The following RILPL2 variants were observed in gnomAD, a reference collection of about 807,000 sequenced individuals.
RILPL2 encodes RILP-like protein 2.
A neutral mutation model predicts 22.2 loss-of-function variants in RILPL2; 19 were observed. That is an observed-to-expected ratio of 0.86 (90% CI 0.60 to 1.25). The LOEUF (loss-of-function observed/expected upper bound fraction) is 1.25. Among genes scored for constraint, RILPL2 ranks in the 50% most tolerant of loss-of-function variants. The probability of loss-of-function intolerance (pLI) is 0.00; values close to 1 mark genes in which losing one functional copy is unlikely to be tolerated. For missense variants in RILPL2, 243 were observed against 263.6 expected, an observed-to-expected ratio of 0.92 and a Z score of 0.54; for synonymous variants, 123 against 111.6, an observed-to-expected ratio of 1.10 and a Z score of -0.64.
downstream of RILPL2, among the ~76,000 whole-genome samples, chr12:123,410,358 G>T (rs561991002): frequency 7.9e-5 from 12 of 152,320 alleles, no homozygotes; most frequent in South Asian, 2.5e-3. Context: ...TGGTAGATTG[G>T]AACAGTGAGT....
chr12:123,429,848 C>T (rs1191477451), intron 2 of RILPL2, among the ~76,000 whole-genome samples: 1 of 151,662 alleles, frequency 6.6e-6, no homozygotes, highest in Admixed American at 6.6e-5. Flanking sequence ...GGTGTGGTGG[C>T]TCACACCTGT....
Position 123,428,887 on chromosome 12 carries a change from C to T in RILPL2, c.491+1621G>A, listed in dbSNP as rs142943194. On this transcript the variant is annotated intron_variant, in intron 2 of 3. Coordinates refer to ENST00000280571, the MANE Select transcript of RILPL2 (RefSeq NM_145058.3). ...GAGTATCAATAAATACTAGCCAACA[C>T]GACATTTTTATTGCCCTGGTTTTTC... 4.4e-3 allele frequency among the ~76,000 whole-genome samples: 667 copies of T among 152,294 alleles called. 4 individuals are homozygous for T. The highest frequency in any genetic ancestry group is 0.015 in the African/African-American group (634 of 41,576).
chr12:123,415,973 G>C (rs1879106289), intron 3 of RILPL2, 52 bp from the exon 4 acceptor site: 1 of 1,588,896 alleles, frequency 6.3e-7, no homozygotes, highest in Admixed American at 1.7e-5. Context: ...CAAAGCAAGG[G>C]GCACAGCAAC....
At chr12:123,422,248 C>T (rs1298070584) in intron 3 of RILPL2, among the ~76,000 whole-genome samples, 2 of 151,026 alleles carry the variant, frequency 1.3e-5, no homozygotes, top group Middle Eastern at 3.4e-3. Context: ...ATTGGCCAGG[C>T]GCAGTGGCTC....
At chr12:123,424,595 T>C (rs1417619373) in intron 2 of RILPL2, among the ~76,000 whole-genome samples, 1 of 152,152 alleles carries the variant, frequency 6.6e-6, no homozygotes, top group Non-Finnish European at 1.5e-5. Context: ...CCTCCCAAAG[T>C]GTTGGGATTA....
intron 2 of RILPL2, 37 bp downstream of exon 2, chr12:123,430,471 G>A (rs776746325): frequency 6.4e-7 from 1 of 1,551,476 alleles, no homozygotes; most frequent in Non-Finnish European, 8.7e-7. Context: ...TTCTGGGCCA[G>A]GTCTGGGTGC....
intron 1 of RILPL2, among the ~76,000 whole-genome samples, chr12:123,432,004 T>G (rs1040069941): frequency 6.6e-6 from 1 of 151,500 alleles, no homozygotes. Flanking sequence ...AAGCAATTCT[T>G]CTGCCTCAGC....
chr12:123,425,002 C>T (rs565796508), intron 2 of RILPL2, among the ~76,000 whole-genome samples: 49 of 152,170 alleles, frequency 3.2e-4, no homozygotes, highest in Admixed American at 9.2e-4. Flanking sequence ...GCCTCAGCCT[C>T]TCAAGTAGCT....
chr12:123,427,733 C>T (rs1428340406), intron 2 of RILPL2, among the ~76,000 whole-genome samples: 1 of 151,930 alleles, frequency 6.6e-6, no homozygotes, highest in Non-Finnish European at 1.5e-5. Context: ...TTAATAGAGA[C>T]GGAGTTTCAC....
At chr12:123,434,455 G>A (rs1204708436) in intron 1 of RILPL2, among the ~76,000 whole-genome samples, 2 of 149,074 alleles carry the variant, frequency 1.3e-5, no homozygotes, top group Non-Finnish European at 1.5e-5. Context: ...ACAAAATCTC[G>A]CTCTGTCACC....
chr12:123,429,280 C>CTTTTTG (rs879514477), intron 2 of RILPL2, among the ~76,000 whole-genome samples: 4 of 151,922 alleles, frequency 2.6e-5, no homozygotes, highest in East Asian at 1.9e-4. Flanking sequence ...TGCACCAGGA[C>CTTTTTG]TTTTTGTTTT....
the RILPL2 span, among the ~76,000 whole-genome samples, chr12:123,409,908 T>G: frequency 6.6e-6 from 1 of 152,070 alleles, no homozygotes; most frequent in South Asian, 2.1e-4. Flanking sequence ...GTATTTTTAG[T>G]AGAGACGGTC....
chr12:123,421,023 A>T (rs534154518), intron 3 of RILPL2, among the ~76,000 whole-genome samples: 1 of 151,804 alleles, frequency 6.6e-6, no homozygotes, highest in East Asian at 1.9e-4. Context: ...AATGCTCACT[A>T]AGTGGGAGCT....
Position 123,434,573 on chromosome 12 carries a change from G to T in RILPL2, c.339+1509C>A, listed in dbSNP as rs190515779. Among the ~76,000 whole-genome samples the T allele has an allele frequency of 2.0e-3, 308 of 151,764 alleles. 2 individuals carry two copies. The highest frequency in any genetic ancestry group is 7.0e-3 in the African/African-American group (288 of 41,406). On this transcript the variant is annotated intron_variant, in intron 1 of 3. Coordinates refer to ENST00000280571, the MANE Select transcript of RILPL2 (RefSeq NM_145058.3). ...CGAGTAGCTGGGATTACAGGCACCC[G>T]CCACCACGCCCGGCTAATTTTTTTC...
chr12:123,426,921 CT>C (rs1286440085), intron 2 of RILPL2, among the ~76,000 whole-genome samples: 2 of 151,148 alleles, frequency 1.3e-5, no homozygotes, highest in African/African-American at 4.9e-5. Flanking sequence ...TTATAATTGG[CT>C]TTCTTTTTTT....
chr12:123,419,667 G>A (rs879469306), intron 3 of RILPL2, among the ~76,000 whole-genome samples: 26 of 149,594 alleles, frequency 1.7e-4, no homozygotes, highest in Non-Finnish European at 2.8e-4. Context: ...GTGCAGGGGT[G>A]TGATCTCAGC....
At chr12:123,412,725 G>A (rs1275002506), downstream of RILPL2, 8 of 152,174 alleles carry the variant, frequency 5.3e-5, no homozygotes, top group Non-Finnish European at 2.9e-5. Flanking sequence ...AGACAGCATC[G>A]GAAAGGTACT....
chr12:123,421,686 T>C (rs1035410776), intron 3 of RILPL2, among the ~76,000 whole-genome samples: 1 of 149,804 alleles, frequency 6.7e-6, no homozygotes, highest in Non-Finnish European at 1.5e-5. Flanking sequence ...TTTTTTTTTT[T>C]TTTTTGAGTC....
intron 3 of RILPL2, among the ~76,000 whole-genome samples, chr12:123,417,590 CT>C (rs539011275): frequency 3.1e-4 from 45 of 146,760 alleles, no homozygotes; most frequent in Admixed American, 4.1e-4. Flanking sequence ...CTGAAAATTT[CT>C]TTTTTTTTTT....
Sources: allele counts gnomAD v4.1 joint callset (sites outside exome capture counted in the v4.1 genomes callset), GRCh38; gene constraint gnomAD v4.1.1; transcripts MANE v1.5; gene names NCBI Gene and HGNC (gene_info 2026-07-23, HGNC 2026-07-21).